Variants in NLGN1 observed in about 807,000 individuals in gnomAD.
NLGN1 encodes the protein neuroligin 1.
In NLGN1, 12 loss-of-function variants were observed where a neutral mutation model predicts 65.5. That is an observed-to-expected ratio of 0.18 (90% CI 0.12 to 0.30). NLGN1 has a LOEUF of 0.30. Among genes scored for constraint, NLGN1 ranks in the 10% least tolerant of loss-of-function variants. The pLI, the probability that NLGN1 is intolerant of heterozygous loss-of-function variation, is 1.00. For missense variants in NLGN1, 750 were observed against 1,007.1 expected, an observed-to-expected ratio of 0.74 and a Z score of 3.46; for synonymous variants, 350 against 359.5, an observed-to-expected ratio of 0.97 and a Z score of 0.30.
At chr3:174,034,160 C>A (rs981703533) in intron 4 of NLGN1, among the ~76,000 whole-genome samples, 1 of 151,996 alleles carries the variant, frequency 6.6e-6, no homozygotes, top group Non-Finnish European at 1.5e-5. Flanking sequence ...TGGAGTGAAG[C>A]ATTTAGTGCT....
intron 3 of NLGN1, among the ~76,000 whole-genome samples, chr3:173,666,501 G>A (rs1761716686): frequency 6.6e-6 from 1 of 152,160 alleles, no homozygotes; most frequent in South Asian, 2.1e-4. Flanking sequence ...AAGGGAAATT[G>A]TGTTGTTAGA....
At chr3:174,073,108 A>G (rs535800447) in intron 4 of NLGN1, among the ~76,000 whole-genome samples, 10 of 151,872 alleles carry the variant, frequency 6.6e-5, no homozygotes, top group South Asian at 4.1e-4. Context: ...ATATATAACA[A>G]CTATCTAATC....
At chr3:173,854,596 G>A (rs574937229) in intron 4 of NLGN1, among the ~76,000 whole-genome samples, 4 of 152,084 alleles carry the variant, frequency 2.6e-5, no homozygotes, top group African/African-American at 9.6e-5. Flanking sequence ...GTTGATTTTT[G>A]TATGGTTACA....
chr3:173,958,829 C>T (rs1033578517), intron 4 of NLGN1, among the ~76,000 whole-genome samples: 1 of 152,222 alleles, frequency 6.6e-6, no homozygotes, highest in African/African-American at 2.4e-5. Flanking sequence ...GCCCTCAGCA[C>T]CCCCTTGGCC....
intron 4 of NLGN1, among the ~76,000 whole-genome samples, chr3:174,266,274 A>G (rs1748220722): frequency 6.6e-6 from 1 of 152,008 alleles, no homozygotes; most frequent in African/African-American, 2.4e-5. Flanking sequence ...TGTATTCAAT[A>G]TTTAACCTCC....
intron 3 of NLGN1, among the ~76,000 whole-genome samples, chr3:173,693,662 G>A (rs1220908294): frequency 2.0e-5 from 3 of 151,876 alleles, no homozygotes; most frequent in African/African-American, 4.8e-5. Context: ...TGGCTATACA[G>A]CAGACTAACA....
At chr3:173,738,893 T>C (rs2150096437) in intron 3 of NLGN1, among the ~76,000 whole-genome samples, 1 of 152,154 alleles carries the variant, frequency 6.6e-6, no homozygotes, top group East Asian at 1.9e-4. Context: ...CATGGAAAAC[T>C]ATAATTTGAG....
At chr3:173,517,864 A>C (rs1328936532) in intron 2 of NLGN1, among the ~76,000 whole-genome samples, 4 of 151,920 alleles carry the variant, frequency 2.6e-5, no homozygotes, top group Admixed American at 2.6e-4. Flanking sequence ...CTAAACCTTC[A>C]TGAAGTTCCA....
At chr3:174,251,841 A>C (rs1352040944) in intron 4 of NLGN1, among the ~76,000 whole-genome samples, 2 of 152,188 alleles carry the variant, frequency 1.3e-5, no homozygotes, top group Admixed American at 6.5e-5. Context: ...GAGTAAAGAA[A>C]GTATTTTCTT....
At chr3:174,169,720 G>T (rs1728173607) in intron 4 of NLGN1, among the ~76,000 whole-genome samples, 1 of 152,074 alleles carries the variant, frequency 6.6e-6, no homozygotes, top group Admixed American at 6.6e-5. Flanking sequence ...ATCAGTTCCA[G>T]GTCACTAAGC....
At chr3:174,174,807 G>A (rs1352356414) in intron 4 of NLGN1, among the ~76,000 whole-genome samples, 5 of 151,568 alleles carry the variant, frequency 3.3e-5, no homozygotes, top group East Asian at 3.9e-4. Flanking sequence ...CCCTTAGTAC[G>A]GCTTTTGCTG....
At position 173,452,791 on chromosome 3, in the gene NLGN1, C is replaced by T. The variant is rs974223821; in HGVS notation, c.-321+17713C>T. ...GGATACCTCAGAAATACTGTGTGTT[C>T]GGTTCCAGACCATCACAATAAAGTG... On this transcript the variant is annotated intron_variant, in intron 2 of 6. Coordinates refer to ENST00000457714, the Ensembl canonical transcript of NLGN1. 5.7e-4 allele frequency among the ~76,000 whole-genome samples: 87 copies of T among 152,142 alleles called. 2 individuals are homozygous for T. Among genetic ancestry groups the T allele is most frequent in the Non-Finnish European group, 2.2e-4 (15 of 68,030 alleles).
At chr3:173,464,880 A>T (rs2148902129) in intron 2 of NLGN1, among the ~76,000 whole-genome samples, 1 of 54,784 alleles carries the variant, frequency 1.8e-5, no homozygotes, top group South Asian at 9.9e-4. Flanking sequence ...TTTTTTGTGG[A>T]CTATTTTTTT....
At chr3:173,690,881 T>A (rs773647933) in intron 3 of NLGN1, among the ~76,000 whole-genome samples, 40 of 152,168 alleles carry the variant, frequency 2.6e-4, no homozygotes, top group Non-Finnish European at 5.4e-4. Flanking sequence ...GACTTGAGTT[T>A]AAACCGTTTT....
At chr3:173,949,041 T>C (rs906961116) in intron 4 of NLGN1, among the ~76,000 whole-genome samples, 1 of 152,100 alleles carries the variant, frequency 6.6e-6, no homozygotes. Flanking sequence ...TTTTTAACTA[T>C]GGTCAACCTA....
chr3:174,191,119 G>T (rs1246498079), intron 4 of NLGN1, among the ~76,000 whole-genome samples: 1 of 151,990 alleles, frequency 6.6e-6, no homozygotes, highest in Admixed American at 6.6e-5. Context: ...ATTATGAAAG[G>T]CATTCAAAGT....
At chr3:173,562,846 A>G (rs991462572) in intron 2 of NLGN1, among the ~76,000 whole-genome samples, 1 of 152,180 alleles carries the variant, frequency 6.6e-6, no homozygotes, top group Non-Finnish European at 1.5e-5. Flanking sequence ...TCTGTATTCC[A>G]GAAAGCTCTT....
intron 3 of NLGN1, among the ~76,000 whole-genome samples, chr3:173,775,003 T>G (rs567608647): frequency 1.6e-4 from 25 of 152,312 alleles, no homozygotes; most frequent in African/African-American, 5.5e-4. Context: ...CTTCTTCAAG[T>G]ATTGAAAATA....
chr3:173,602,861 G>A (rs181021032), intron 2 of NLGN1, among the ~76,000 whole-genome samples: 2 of 152,142 alleles, frequency 1.3e-5, no homozygotes, highest in East Asian at 1.9e-4. Flanking sequence ...CTGAATCTTC[G>A]ATAAATGCTA....
Sources: gnomAD v4.1 joint callset for allele counts (sites outside exome capture counted in the v4.1 genomes callset) on GRCh38, gnomAD v4.1.1 for gene constraint, MANE v1.5 for transcripts, NCBI Gene and HGNC (gene_info 2026-07-23, HGNC 2026-07-21) for gene names.